Variants in PCDHGA1 observed in about 807,000 individuals in gnomAD.
PCDHGA1 encodes protocadherin gamma subfamily A, 1.
In PCDHGA1, 32 loss-of-function variants were observed where a neutral mutation model predicts 58.0. That is an observed-to-expected ratio of 0.55 (90% confidence interval 0.42 to 0.74). The LOEUF (loss-of-function observed/expected upper bound fraction) is 0.74. Ranked by LOEUF, PCDHGA1 falls within the 30% of genes least tolerant of loss-of-function variation. The pLI, the probability that PCDHGA1 is intolerant of heterozygous loss-of-function variation, is 0.00. For missense variants in PCDHGA1, 1,205 were observed against 1,182.3 expected, an observed-to-expected ratio of 1.02 and a Z score of -0.28; for synonymous variants, 498 against 501.1, an observed-to-expected ratio of 0.99 and a Z score of 0.08.
rs757674087 is a variant in PCDHGA1 at position 141,356,453 on chromosome 5, A to G, written c.2421+23348A>G. 46 of 1,613,242 alleles carry G rather than the reference A, an allele frequency of 2.9e-5. No individual in the cohort carries two copies. Among genetic ancestry groups the G allele is most frequent in the Admixed American group, 1.3e-4 (8 of 59,874 alleles). On this transcript the variant is annotated intron_variant, in intron 1 of 3. Coordinates refer to ENST00000517417, the MANE Select transcript of PCDHGA1 (RefSeq NM_018912.3). ...CTGGACAGGGAAGAAGTCTCAGAAT[A>G]TAACATCACTGTAACTGCCACTGAC...
intron 1 of PCDHGA1, chr5:141,420,076 TCCC>T: frequency 1.9e-6 from 3 of 1,613,956 alleles, no homozygotes; most frequent in Non-Finnish European, 2.5e-6. Context: ...GACCTGTGGG[TCCC>T]CCCAACTACA....
At chr5:141,384,030 A>G (rs1246971074) in intron 1 of PCDHGA1, 2 of 1,613,466 alleles carry the variant, frequency 1.2e-6, no homozygotes, top group Non-Finnish European at 1.7e-6. Flanking sequence ...GAGATTCTGG[A>G]AAGAATGGTG....
intron 1 of PCDHGA1, chr5:141,418,133 C>T (rs758498780): frequency 2.5e-6 from 4 of 1,613,924 alleles, no homozygotes; most frequent in Non-Finnish European, 3.4e-6. Flanking sequence ...CCGAATAGAC[C>T]GTGAGCAAAT....
At chr5:141,396,767 G>A (rs900685366) in intron 1 of PCDHGA1, 1 of 152,338 alleles carries the variant, frequency 6.6e-6, no homozygotes, top group East Asian at 1.9e-4. Context: ...ATAAATGTTT[G>A]TTATTAATGA....
chr5:141,406,079 T>C (rs570702423), intron 1 of PCDHGA1, among the ~76,000 whole-genome samples: 2 of 151,808 alleles, frequency 1.3e-5, no homozygotes, highest in South Asian at 2.1e-4. Context: ...CTCCTTTTTT[T>C]TTTTTTTTAA....
At chr5:141,428,041 TG>T (rs1260865435) in intron 1 of PCDHGA1, 1 of 1,608,448 alleles carries the variant, frequency 6.2e-7, no homozygotes, top group African/African-American at 1.3e-5. Flanking sequence ...GGCTACCTGG[TG>T]ACCAAGGTGG....
intron 1 of PCDHGA1, chr5:141,404,057 T>C (rs558471539): frequency 1.2e-5 from 19 of 1,613,894 alleles, no homozygotes; most frequent in Non-Finnish European, 1.4e-5. Context: ...AATTCTTCTT[T>C]TCAATGCTCA....
At chr5:141,410,418 T>C (rs2095390746) in intron 1 of PCDHGA1, 26 of 1,614,052 alleles carry the variant, frequency 1.6e-5, no homozygotes, top group Non-Finnish European at 2.2e-5. Context: ...GGACCTGTAG[T>C]TCCCCCCAAC....
chr5:141,394,406 G>A (rs1359061127), intron 1 of PCDHGA1: 1 of 1,614,180 alleles, frequency 6.2e-7, no homozygotes, highest in South Asian at 1.1e-5. Flanking sequence ...TGCAGCTACT[G>A]GTAACAGCCA....
chr5:141,505,363 T>A, intron 2 of PCDHGA1, 30 bp from the exon 3 acceptor site: 1 of 1,613,360 alleles, frequency 6.2e-7, no homozygotes, highest in Non-Finnish European at 8.5e-7. Context: ...GGCCTGGGAG[T>A]CTGTGCTCAC....
intron 1 of PCDHGA1, chr5:141,343,372 G>A: frequency 2.0e-6 from 2 of 982,464 alleles, no homozygotes; most frequent in South Asian, 4.7e-5. Flanking sequence ...GTATAGAGAG[G>A]GAAAGGTCAA....
intron 1 of PCDHGA1, among the ~76,000 whole-genome samples, chr5:141,463,726 A>G (rs6888081): frequency 0.29 from 44,573 of 151,836 alleles, 7,596 homozygotes; most frequent in African/African-American, 0.48. Flanking sequence ...GATTACAGGC[A>G]TGAGCCACCG....
chr5:141,365,320 C>A (rs1763848662), intron 1 of PCDHGA1: 1 of 1,613,992 alleles, frequency 6.2e-7, no homozygotes, highest in Non-Finnish European at 8.5e-7. Flanking sequence ...TTGTTGCCAG[C>A]GCTAAGGTGG....
intron 1 of PCDHGA1, among the ~76,000 whole-genome samples, chr5:141,482,161 G>A (rs2099554171): frequency 6.6e-6 from 1 of 152,008 alleles, no homozygotes; most frequent in Non-Finnish European, 1.5e-5. Context: ...TCAAAGATAT[G>A]TAAGATTAAG....
At chr5:141,482,936 G>T (rs2099574800) in intron 1 of PCDHGA1, among the ~76,000 whole-genome samples, 1 of 152,050 alleles carries the variant, frequency 6.6e-6, no homozygotes, top group Admixed American at 6.5e-5. Context: ...AGCCAGGTGT[G>T]GTTGTGGGTG....
chr5:141,366,266 G>C (rs1014933070), intron 1 of PCDHGA1: 8 of 1,613,680 alleles, frequency 5.0e-6, no homozygotes, highest in Non-Finnish European at 6.8e-6. Flanking sequence ...CGTGGTGGCC[G>C]TCGAAGACCA....
chr5:141,375,688 C>A, intron 1 of PCDHGA1: 2 of 1,614,256 alleles, frequency 1.2e-6, no homozygotes, highest in South Asian at 2.2e-5. Flanking sequence ...TGACAGCCAG[C>A]GACAGCGGGG....
intron 1 of PCDHGA1, among the ~76,000 whole-genome samples, chr5:141,437,505 A>G (rs1429147239): frequency 6.6e-6 from 1 of 152,204 alleles, no homozygotes; most frequent in Non-Finnish European, 1.5e-5. Context: ...TTTTCAATGA[A>G]TTATAAGGCT....
At chr5:141,450,033 G>T (rs1377962229) in intron 1 of PCDHGA1, among the ~76,000 whole-genome samples, 2 of 131,450 alleles carry the variant, frequency 1.5e-5, no homozygotes, top group Admixed American at 8.4e-5. Flanking sequence ...TTGAGACAGG[G>T]TCTCACTCTT....
Sources: gnomAD v4.1 joint callset for allele counts (sites outside exome capture counted in the v4.1 genomes callset) on GRCh38, gnomAD v4.1.1 for gene constraint, MANE v1.5 for transcripts, NCBI Gene and HGNC (gene_info 2026-07-23, HGNC 2026-07-21) for gene names.